WASF2: variants seen among roughly 807,000 people sequenced by gnomAD.
WASF2 encodes WASP family member 2.
A neutral mutation model predicts 45.0 loss-of-function variants in WASF2; 14 were observed. The observed-to-expected ratio is 0.31, with a 90% CI of 0.21 to 0.49. The LOEUF (loss-of-function observed/expected upper bound fraction) is 0.49, where lower values mean the gene tolerates loss of function less well. Among genes scored for constraint, WASF2 ranks in the 20% least tolerant of loss-of-function variants. The pLI is 0.99. For missense variants in WASF2, 439 were observed against 636.1 expected, an observed-to-expected ratio of 0.69 and a Z score of 3.33; for synonymous variants, 200 against 236.3, an observed-to-expected ratio of 0.85 and a Z score of 1.41.
At chr1:27,451,617 G>A (rs1162724981) in intron 1 of WASF2, among the ~76,000 whole-genome samples, 1 of 152,134 alleles carries the variant, frequency 6.6e-6, no homozygotes, top group African/African-American at 2.4e-5. Flanking sequence ...CAGCAGTATG[G>A]AGAATGTACT....
At chr1:27,465,331 T>C (rs1571156542) in intron 1 of WASF2, among the ~76,000 whole-genome samples, 1 of 152,360 alleles carries the variant, frequency 6.6e-6, no homozygotes, top group East Asian at 1.9e-4. Flanking sequence ...TCAAGTCTAA[T>C]TTACATACAA....
At chr1:27,427,485 G>C (rs888687247) in intron 2 of WASF2, among the ~76,000 whole-genome samples, 2 of 152,200 alleles carry the variant, frequency 1.3e-5, no homozygotes, top group Non-Finnish European at 2.9e-5. Context: ...CTGCAGCCTT[G>C]ATGTGCTTCC....
intron 1 of WASF2, among the ~76,000 whole-genome samples, chr1:27,485,884 G>A (rs926553154): frequency 6.6e-6 from 1 of 152,088 alleles, no homozygotes; most frequent in East Asian, 1.9e-4. Context: ...GCTAATTTTT[G>A]TATTTTTAGT....
At chr1:27,418,179 T>A (rs191936340) in intron 4 of WASF2, 90 bp downstream of exon 4, 15 of 1,426,006 alleles carry the variant, frequency 1.1e-5, no homozygotes, top group Admixed American at 2.5e-5. Context: ...TTAGATACAA[T>A]CCTCTGATGG....
rs548950930 is a variant in WASF2 at position 27,462,047 on chromosome 1, G to C, written c.-44+27939C>G. 2.0e-5 allele frequency among the ~76,000 whole-genome samples: 3 copies of C among 149,316 alleles called. No homozygotes were observed. In the South Asian group the frequency reaches 6.3e-4, roughly 32 times the overall value. ...GGCTGGAGTGCAGTGGTGCGATCTC[G>C]GATCACTGCAACCTCTGCCTGCCAG... On this transcript the variant is annotated intron_variant, in intron 1 of 8. Coordinates refer to ENST00000618852, the MANE Select transcript of WASF2 (RefSeq NM_006990.5).
At chr1:27,450,647 C>T (rs888692059) in intron 1 of WASF2, among the ~76,000 whole-genome samples, 8 of 151,998 alleles carry the variant, frequency 5.3e-5, no homozygotes, top group South Asian at 4.1e-4. Context: ...ATTACAGGCA[C>T]GCGCCCCACG....
chr1:27,466,962 C>T (rs961171699), intron 1 of WASF2, among the ~76,000 whole-genome samples: 4 of 151,702 alleles, frequency 2.6e-5, no homozygotes, highest in Non-Finnish European at 5.9e-5. Flanking sequence ...CACTGGTAAT[C>T]CTAGCACTTT....
At chr1:27,482,290 A>G (rs1377872160) in intron 1 of WASF2, among the ~76,000 whole-genome samples, 1 of 152,252 alleles carries the variant, frequency 6.6e-6, no homozygotes, top group Non-Finnish European at 1.5e-5. Flanking sequence ...ATTAAGGACC[A>G]CTGCCTTGAC....
intron 2 of WASF2, among the ~76,000 whole-genome samples, chr1:27,426,042 A>T (rs887562823): frequency 6.6e-6 from 1 of 152,008 alleles, no homozygotes; most frequent in South Asian, 2.1e-4. Context: ...AAAAAAAAAA[A>T]TTGTAAAATG....
chr1:27,474,087 C>A (rs2017731848), intron 1 of WASF2, among the ~76,000 whole-genome samples: 1 of 152,096 alleles, frequency 6.6e-6, no homozygotes, highest in Non-Finnish European at 1.5e-5. Context: ...TAGCCCCGGC[C>A]AGGAATACAT....
intron 1 of WASF2, among the ~76,000 whole-genome samples, chr1:27,488,787 G>A (rs2017981932): frequency 6.6e-6 from 1 of 152,176 alleles, no homozygotes; most frequent in African/African-American, 2.4e-5. Context: ...TCTTTTGAGT[G>A]GGCAGTGACT....
intron 7 of WASF2, among the ~76,000 whole-genome samples, chr1:27,411,590 A>G (rs1360477812): frequency 3.9e-5 from 6 of 152,300 alleles, no homozygotes; most frequent in South Asian, 2.1e-4. Context: ...AAGGCTGGGC[A>G]TGGTGGCTCA....
chr1:27,462,015 T>C (rs2017552817), intron 1 of WASF2, among the ~76,000 whole-genome samples: 1 of 149,978 alleles, frequency 6.7e-6, no homozygotes, highest in Non-Finnish European at 1.5e-5. Flanking sequence ...TCTCGCTCTG[T>C]CACCCAGGCT....
At position 27,454,172 on chromosome 1, in the gene WASF2, TATATATATATATATA is replaced by T. The variant is rs1230189336; in HGVS notation, c.-43-25254_-43-25240del. Among the ~76,000 whole-genome samples, 7 of 62,032 alleles carry T rather than the reference TATATATATATATATA, an allele frequency of 1.1e-4. No homozygotes were observed. In the East Asian group the frequency reaches 2.8e-3, roughly 25 times the overall value. The allele number at this position is 62,032 out of a possible 152,430, so 40.7% of individuals were successfully genotyped here. On this transcript the variant is annotated intron_variant, in intron 1 of 8. Transcript: ENST00000618852. ...GTGTGTGTATATATATATATATATA[TATATATATATATATA>T]TTTTTTTTTTTTTTTTTTTTTTAAA...
chr1:27,433,139 G>A (rs2504773), intron 1 of WASF2, among the ~76,000 whole-genome samples: 150,700 of 152,316 alleles, frequency 0.99, 74,568 homozygotes, highest in Middle Eastern at 1. Flanking sequence ...TACATTAAAA[G>A]TTTAAAGACA....
At position 27,405,253 on chromosome 1, in the gene WASF2, C is replaced by T. The variant is rs1478514748; in HGVS notation, c.*2936G>A. On this transcript the variant is annotated 3_prime_UTR_variant, in exon 9 of 9. Coordinates refer to ENST00000618852, the MANE Select transcript of WASF2 (RefSeq NM_006990.5). ...TGGAGCCTGGGCCAGCTGCTCTGAG[C>T]CTCCAAGGGCTGGCTGAGCCTGCCC... 2 of 152,330 alleles carry T rather than the reference C, an allele frequency of 1.3e-5. No homozygotes were observed. Among genetic ancestry groups the T allele is most frequent in the Admixed American group, 1.3e-4 (2 of 15,286 alleles). The allele number at this position is 152,330 out of a possible 1,614,324, so 9.4% of individuals were successfully genotyped here.
chr1:27,454,177 ATATATATATATTTTT>A (rs1410406010), intron 1 of WASF2, among the ~76,000 whole-genome samples: 596 of 19,802 alleles, frequency 0.03, 1 homozygote, highest in Non-Finnish European at 0.039. Flanking sequence ...ATATATATAT[ATATATATATATTTTT>A]TTTTTTTTTT....
intron 2 of WASF2, among the ~76,000 whole-genome samples, chr1:27,422,950 C>T (rs1032564564): frequency 6.6e-6 from 1 of 151,940 alleles, no homozygotes; most frequent in Non-Finnish European, 1.5e-5. Flanking sequence ...ATCAGCCTGG[C>T]CAACATGGTG....
At chr1:27,428,955 A>C in intron 1 of WASF2, 22 bp from the exon 2 acceptor site, 1 of 1,596,358 alleles carries the variant, frequency 6.3e-7, no homozygotes, top group Non-Finnish European at 8.6e-7. Flanking sequence ...ATAACAGGAA[A>C]GTATTACTCA....
Sources: allele counts gnomAD v4.1 joint callset (sites outside exome capture counted in the v4.1 genomes callset), GRCh38; gene constraint gnomAD v4.1.1; transcripts MANE v1.5; gene names NCBI Gene and HGNC (gene_info 2026-07-23, HGNC 2026-07-21).